SLC30A8: variants seen among roughly 807,000 people sequenced by gnomAD.
The protein encoded by SLC30A8 is solute carrier family 30 member 8.
Under a neutral mutation model 36.9 loss-of-function variants are expected in SLC30A8, and 27 were observed. That is an observed-to-expected ratio of 0.73 (90% CI 0.54 to 1.01). The LOEUF (loss-of-function observed/expected upper bound fraction) is 1.01. Among genes scored for constraint, SLC30A8 ranks in the 50% least tolerant of loss-of-function variants. The pLI, the probability that SLC30A8 is intolerant of heterozygous loss-of-function variation, is 0.00. For missense variants in SLC30A8, 439 were observed against 452.0 expected (o/e 0.97, Z 0.26); for synonymous variants, 164 against 172.4 (o/e 0.95, Z 0.38).
At chr8:116,952,385 T>C (rs1440227326) in intron 1 of SLC30A8, among the ~76,000 whole-genome samples, 1 of 152,170 alleles carries the variant, frequency 6.6e-6, no homozygotes, top group Non-Finnish European at 1.5e-5. Context: ...CTAAAAGTCT[T>C]ACACAAAAAT....
intron 2 of SLC30A8, among the ~76,000 whole-genome samples, chr8:117,076,007 C>T (rs193043176): frequency 3.1e-4 from 47 of 152,294 alleles, no homozygotes; most frequent in Admixed American, 1.7e-3. Context: ...TTCTCTTGCC[C>T]TTCCCACCCT....
In SLC30A8 at chr8:117,060,194, T is replaced by C. The variant is rs540156735; in HGVS notation, c.-226+20936T>C. On this transcript the variant is annotated intron_variant, in intron 2 of 10. Coordinates refer to the SLC30A8 transcript ENST00000427715. ...TATTTTTATTATTTATTTTTATTTA[T>C]AGAGCTCAGGAGATAGTGGTAGAAT... 2.0e-5 allele frequency among the ~76,000 whole-genome samples: 3 copies of C among 152,114 alleles called. No individual in the cohort carries two copies. The South Asian group carries it at 6.2e-4, about 32-fold the overall frequency.
Position 117,153,092 on chromosome 8 carries a change from T to G in SLC30A8, c.418+2T>G, listed in dbSNP as rs775705654. On this transcript the variant is annotated splice_donor_variant, in intron 3 of 7. Coordinates refer to ENST00000456015, the MANE Select transcript of SLC30A8 (RefSeq NM_173851.3). LOFTEE classifies it high-confidence loss of function. ...TGACATTTGGATGGCACCGAGCAGGTACGGTTCATAGAGTGAGCAATAACA... is the reference window on the plus strand; with the variant it reads ...TGACATTTGGATGGCACCGAGCAGGGACGGTTCATAGAGTGAGCAATAACA... 1 of 1,603,784 alleles carries G rather than the reference T, an allele frequency of 6.2e-7. No individual in the cohort carries two copies. The highest frequency in any genetic ancestry group is 8.5e-7 in the Non-Finnish European group (1 of 1,173,654).
At chr8:117,044,942 T>G (rs1243530248) in intron 2 of SLC30A8, among the ~76,000 whole-genome samples, 5 of 152,184 alleles carry the variant, frequency 3.3e-5, no homozygotes, top group Non-Finnish European at 5.9e-5. Flanking sequence ...CGAGCTGTTG[T>G]GCTTCTCGTG....
chr8:116,992,456 G>A (rs1246094372), intron 1 of SLC30A8, among the ~76,000 whole-genome samples: 1 of 152,138 alleles, frequency 6.6e-6, no homozygotes, highest in Non-Finnish European at 1.5e-5. Flanking sequence ...AATTGTCATG[G>A]GTTTTGTCTT....
Position 117,070,620 on chromosome 8 carries a change from A to G in SLC30A8, c.-226+31362A>G, listed in dbSNP as rs149837482. ...AATTTATCCTCTTAGCTATTTTGAA[A>G]TATATTATGTAATATGTTATTATTG... On this transcript the variant is annotated intron_variant, in intron 2 of 10. Coordinates refer to the SLC30A8 transcript ENST00000427715. Among the ~76,000 whole-genome samples the G allele has an allele frequency of 3.5e-3, 526 of 152,318 alleles. 8 individuals carry two copies. The highest frequency in any genetic ancestry group is 0.012 in the African/African-American group (502 of 41,586).
chr8:117,160,119 G>A lies in SLC30A8; in HGVS notation c.573-1619G>A, dbSNP rs142983234. Among the ~76,000 whole-genome samples, 536 of 152,234 alleles carry A rather than the reference G, an allele frequency of 3.5e-3. 1 individual carries two copies. The highest frequency in any genetic ancestry group is 4.6e-3 in the Non-Finnish European group (313 of 68,022). ...TGTATTGTTTGAATATAGAGATATCGGAATTGCGATTCAGGAATAAATCTA... is the reference window on the plus strand; with the variant it reads ...TGTATTGTTTGAATATAGAGATATCAGAATTGCGATTCAGGAATAAATCTA... On this transcript the variant is annotated intron_variant, in intron 4 of 7. Transcript: ENST00000456015.
intron 2 of SLC30A8, among the ~76,000 whole-genome samples, chr8:117,118,188 A>C (rs1002982398): frequency 5.3e-5 from 8 of 151,148 alleles, no homozygotes; most frequent in East Asian, 1.9e-4. Context: ...AAAAAAAAAA[A>C]AAAAACCAAA....
chr8:117,018,536 A>G (rs1816594549), intron 1 of SLC30A8, among the ~76,000 whole-genome samples: 1 of 152,114 alleles, frequency 6.6e-6, no homozygotes, highest in Non-Finnish European at 1.5e-5. Context: ...CTGCCTTGAT[A>G]GCACTGCTGT....
At chr8:116,974,640 G>C (rs1375143023) in intron 1 of SLC30A8, among the ~76,000 whole-genome samples, 2 of 152,126 alleles carry the variant, frequency 1.3e-5, no homozygotes, top group Admixed American at 1.3e-4. Flanking sequence ...GATTCCTCAA[G>C]GATCTAGAAC....
chr8:117,036,711 C>T (rs544640208), intron 1 of SLC30A8, among the ~76,000 whole-genome samples: 1 of 152,116 alleles, frequency 6.6e-6, no homozygotes, highest in Non-Finnish European at 1.5e-5. Context: ...TGGGGGAAAC[C>T]ACCCCCATGA....
Position 117,172,730 on chromosome 8 carries a change from T to C in SLC30A8, c.*49T>C. 2 of 1,602,320 alleles carry C rather than the reference T, an allele frequency of 1.2e-6. No homozygotes were observed. Among genetic ancestry groups the C allele is most frequent in the Non-Finnish European group, 1.7e-6 (2 of 1,170,242 alleles). On this transcript the variant is annotated 3_prime_UTR_variant, in exon 8 of 8. Coordinates refer to ENST00000456015, the MANE Select transcript of SLC30A8 (RefSeq NM_173851.3). ...AAATTTGACAGGCCACCTTCAAACA[T>C]GCTGCTATGCAGTTTCTGCATCATA...
At chr8:116,991,414 C>T (rs1461556133) in intron 1 of SLC30A8, among the ~76,000 whole-genome samples, 1 of 152,062 alleles carries the variant, frequency 6.6e-6, no homozygotes, top group Non-Finnish European at 1.5e-5. Flanking sequence ...AAGCAATTCT[C>T]CTGCCTCAGC....
intron 1 of SLC30A8, among the ~76,000 whole-genome samples, chr8:116,996,103 G>A (rs981040201): frequency 4.6e-5 from 7 of 152,132 alleles, no homozygotes; most frequent in Admixed American, 2.6e-4. Context: ...CAACTGTCTT[G>A]GTAAATTCCT....
chr8:117,094,473 G>T (rs553314707), intron 2 of SLC30A8, among the ~76,000 whole-genome samples: 3 of 152,338 alleles, frequency 2.0e-5, no homozygotes, highest in East Asian at 1.9e-4. Flanking sequence ...TCTGCAGGCA[G>T]TGTGTCCTGA....
At chr8:116,955,578 A>G (rs1814164099) in intron 1 of SLC30A8, among the ~76,000 whole-genome samples, 1 of 151,990 alleles carries the variant, frequency 6.6e-6, no homozygotes, top group Non-Finnish European at 1.5e-5. Flanking sequence ...AAAAATATAA[A>G]AATTAGCCAG....
chr8:116,996,423 G>A (rs2130675230), intron 1 of SLC30A8, among the ~76,000 whole-genome samples: 1 of 152,294 alleles, frequency 6.6e-6, no homozygotes. Context: ...ATGTTTTGAA[G>A]TATGTATACA....
intron 1 of SLC30A8, among the ~76,000 whole-genome samples, chr8:117,022,439 C>A (rs182180319): frequency 3.9e-5 from 6 of 152,074 alleles, no homozygotes; most frequent in Non-Finnish European, 7.4e-5. Context: ...GTATGAATGA[C>A]CTTTAGTGTC....
chr8:116,984,317 A>G (rs1815370187), intron 1 of SLC30A8, among the ~76,000 whole-genome samples: 2 of 152,108 alleles, frequency 1.3e-5, no homozygotes, highest in Admixed American at 6.6e-5. Context: ...TTTCTCTGGG[A>G]TAAATATCCA....
Sources: allele counts gnomAD v4.1 joint callset (sites outside exome capture counted in the v4.1 genomes callset), GRCh38; gene constraint gnomAD v4.1.1; transcripts MANE v1.5; gene names NCBI Gene and HGNC (gene_info 2026-07-23, HGNC 2026-07-21).